JAZF1: variants seen among roughly 807,000 people sequenced by gnomAD.
JAZF1 encodes juxtaposed with another zinc finger protein 1.
In JAZF1, 8 loss-of-function variants were observed where a neutral mutation model predicts 26.4. That is an observed-to-expected ratio of 0.30 (90% CI 0.18 to 0.55). The LOEUF (loss-of-function observed/expected upper bound fraction) is 0.55. Ranked by LOEUF, JAZF1 falls within the 20% of genes least tolerant of loss-of-function variation. JAZF1 has a pLI of 0.94. For synonymous variants in JAZF1, 126 were observed against 122.3 expected, an observed-to-expected ratio of 1.03 and a Z score of -0.20; for missense variants, 199 against 322.0, an observed-to-expected ratio of 0.62 and a Z score of 2.92.
At chr7:28,016,020 C>T (rs1562559852) in intron 1 of JAZF1, among the ~76,000 whole-genome samples, 7 of 152,332 alleles carry the variant, frequency 4.6e-5, no homozygotes, top group Admixed American at 3.9e-4. Flanking sequence ...AGCTGCTCCT[C>T]TTCCAGACAG....
At chr7:28,003,862 G>A (rs1000350509) in intron 1 of JAZF1, among the ~76,000 whole-genome samples, 2 of 152,060 alleles carry the variant, frequency 1.3e-5, no homozygotes, top group Admixed American at 1.3e-4. Flanking sequence ...GAGTCTAGAA[G>A]GAAAAGAAGT....
At chr7:27,930,874 A>G (rs1444729365) in intron 2 of JAZF1, among the ~76,000 whole-genome samples, 1 of 152,154 alleles carries the variant, frequency 6.6e-6, no homozygotes, top group East Asian at 1.9e-4. Context: ...ACAATATGCT[A>G]AATATAACAC....
Position 27,840,582 on chromosome 7 carries a change from G to T in JAZF1, c.555+116C>A. The T allele has an allele frequency of 9.4e-7, 1 of 1,066,044 alleles. No homozygotes were observed. The allele number at this position is 1,066,044 out of a possible 1,614,324, so 66.0% of individuals were successfully genotyped here. On this transcript the variant is annotated intron_variant, in intron 4 of 4. Coordinates refer to ENST00000283928, the MANE Select transcript of JAZF1 (RefSeq NM_175061.4). The surrounding 1 kb of genome is among the most constrained non-coding windows in gnomAD (Gnocchi z 5.1). ...GCCCACGCACTCTAATGCAGGAGAG[G>T]GGAGTGTCTCCCCCCAGCCCATACG...
intron 1 of JAZF1, among the ~76,000 whole-genome samples, chr7:28,144,969 A>T (rs970105817): frequency 7.2e-5 from 11 of 152,216 alleles, no homozygotes; most frequent in African/African-American, 2.7e-4. Context: ...TTTTACTTAC[A>T]GTTAGGAGAT....
At chr7:28,081,594 G>A (rs1389739722) in intron 1 of JAZF1, among the ~76,000 whole-genome samples, 4 of 152,180 alleles carry the variant, frequency 2.6e-5, no homozygotes, top group Non-Finnish European at 4.4e-5. Flanking sequence ...TGGTGAGCCT[G>A]GGGCATTGTA....
intron 2 of JAZF1, among the ~76,000 whole-genome samples, chr7:27,935,196 A>G (rs963253341): frequency 3.9e-5 from 6 of 152,246 alleles, no homozygotes; most frequent in African/African-American, 1.2e-4. Context: ...ACAGACAATA[A>G]TAAGTGTTGG....
At chr7:28,109,703 C>A (rs1304575792) in intron 1 of JAZF1, among the ~76,000 whole-genome samples, 1 of 152,200 alleles carries the variant, frequency 6.6e-6, no homozygotes, top group African/African-American at 2.4e-5. Flanking sequence ...AACTGGGACT[C>A]ACTCTGTCAA....
rs1024633107 is a variant in JAZF1, at chr7:28,020,642, A to G, written c.116-28661T>C. Reference sequence around the variant, plus strand: ...TTCAAAAGCATCAAACGTTTTCTCAACCCCAAGCTCCCTGTTCTCAGTAGA... The same window carrying G: ...TTCAAAAGCATCAAACGTTTTCTCAGCCCCAAGCTCCCTGTTCTCAGTAGA... On this transcript the variant is annotated intron_variant, in intron 1 of 4. Coordinates refer to ENST00000283928, the MANE Select transcript of JAZF1 (RefSeq NM_175061.4). 11 of 471,114 alleles carry G rather than the reference A, an allele frequency of 2.3e-5. 1 individual carries two copies. Among genetic ancestry groups the G allele is most frequent in the Non-Finnish European group, 3.5e-5 (8 of 227,072 alleles). The allele number at this position is 471,114 out of a possible 1,614,324, so 29.2% of individuals were successfully genotyped here.
intron 4 of JAZF1, chr7:27,833,236 A>T (rs1782742012): frequency 4.3e-6 from 1 of 232,884 alleles, no homozygotes; most frequent in Non-Finnish European, 8.3e-6. Flanking sequence ...ATTTCTTCCA[A>T]TTTTATATAA....
intron 2 of JAZF1, among the ~76,000 whole-genome samples, chr7:27,927,003 G>C (rs915893849): frequency 3.9e-5 from 6 of 152,208 alleles, no homozygotes; most frequent in African/African-American, 1.4e-4. Context: ...TTCTTCATTT[G>C]TATGGACAGA....
At chr7:28,170,971 T>A in intron 1 of JAZF1, among the ~76,000 whole-genome samples, 1 of 152,172 alleles carries the variant, frequency 6.6e-6, no homozygotes, top group East Asian at 1.9e-4. Context: ...AACTAGCCAG[T>A]AGGTACTGTG....
intron 1 of JAZF1, among the ~76,000 whole-genome samples, chr7:28,169,199 G>A (rs779783828): frequency 3.3e-5 from 5 of 152,174 alleles, no homozygotes; most frequent in Admixed American, 6.5e-5. Flanking sequence ...ATAACTTAAC[G>A]TTATACGTTA....
intron 1 of JAZF1, among the ~76,000 whole-genome samples, chr7:28,119,185 GCAGACCA>G (rs1784798105): frequency 6.6e-6 from 1 of 152,130 alleles, no homozygotes; most frequent in East Asian, 1.9e-4. Flanking sequence ...ATGGCAACCT[GCAGACCA>G]TCACTCACAA....
chr7:27,898,115 C>A (rs745518726), intron 2 of JAZF1, among the ~76,000 whole-genome samples: 1 of 152,018 alleles, frequency 6.6e-6, no homozygotes, highest in East Asian at 1.9e-4. Context: ...TGAGGACACA[C>A]CACACACCCA....
chr7:28,179,915 G>A (rs926436606), intron 1 of JAZF1, among the ~76,000 whole-genome samples: 1 of 88,244 alleles, frequency 1.1e-5, no homozygotes, highest in Non-Finnish European at 2.4e-5. Flanking sequence ...AGCCACCCCC[G>A]CCCCCCCGCT....
intron 2 of JAZF1, among the ~76,000 whole-genome samples, chr7:27,940,779 T>C (rs1002022024): frequency 5.3e-5 from 8 of 152,176 alleles, no homozygotes; most frequent in African/African-American, 1.9e-4. Flanking sequence ...AAACTGCACA[T>C]TTACTGTGGA....
At chr7:27,834,744 A>G (rs1030463997) in intron 4 of JAZF1, among the ~76,000 whole-genome samples, 13 of 152,206 alleles carry the variant, frequency 8.5e-5, no homozygotes, top group African/African-American at 3.1e-4. Context: ...TATCCAGCCC[A>G]AGTGAGCCTT....
intron 2 of JAZF1, among the ~76,000 whole-genome samples, chr7:27,938,361 A>G (rs192821863): frequency 6.6e-6 from 1 of 152,352 alleles, no homozygotes; most frequent in East Asian, 1.9e-4. Flanking sequence ...AAAACAAAAC[A>G]CCAAAGCATC....
intron 1 of JAZF1, among the ~76,000 whole-genome samples, chr7:28,128,307 A>C (rs1299668515): frequency 2.0e-5 from 3 of 152,300 alleles, no homozygotes; most frequent in African/African-American, 4.8e-5. Flanking sequence ...GTGGATCACG[A>C]GGTCAGGAGT....
Sources: gnomAD v4.1 joint callset for allele counts (sites outside exome capture counted in the v4.1 genomes callset) on GRCh38, gnomAD v4.1.1 for gene constraint, Gnocchi (gnomAD v3.1) non-coding constraint, MANE v1.5 for transcripts, NCBI Gene and HGNC (gene_info 2026-07-23, HGNC 2026-07-21) for gene names.